RBFOX3: variants seen among roughly 807,000 people sequenced by gnomAD.
RBFOX3 encodes RNA binding protein fox-1 homolog 3.
A neutral mutation model predicts 48.7 loss-of-function variants in RBFOX3; 17 were observed. That is an observed-to-expected ratio of 0.35 (90% CI 0.24 to 0.52). The LOEUF (loss-of-function observed/expected upper bound fraction) is 0.52, where lower values mean the gene tolerates loss of function less well. RBFOX3 is among the 20% of genes least tolerant of loss of function. The probability of loss-of-function intolerance (pLI) is 0.94; values close to 1 mark genes in which losing one functional copy is unlikely to be tolerated. For synonymous variants in RBFOX3, 212 were observed against 209.5 expected (o/e 1.01, Z -0.10); for missense variants, 382 against 497.5 (o/e 0.77, Z 2.21).
Position 79,430,837 on chromosome 17 carries a change from A to G in RBFOX3, c.-175+51617T>C, listed in dbSNP as rs151022669. 2.1e-3 allele frequency among the ~76,000 whole-genome samples: 319 copies of G among 152,152 alleles called. 3 individuals carry two copies. The highest frequency in any genetic ancestry group is 7.4e-3 in the African/African-American group (309 of 41,506). On this transcript the variant is annotated intron_variant, in intron 2 of 14. Transcript: ENST00000693108. ...TGGGATTACAGGCGTGAGCCACCAC[A>G]CCCGCCCTGTGCTCAGCAAATATTG...
intron 4 of RBFOX3, among the ~76,000 whole-genome samples, chr17:79,166,265 G>A (rs928764392): frequency 6.6e-6 from 1 of 152,098 alleles, no homozygotes; most frequent in African/African-American, 2.4e-5. Flanking sequence ...CCCCAGCGCA[G>A]CCTCCCGTGG....
At position 79,204,911 on chromosome 17, in the gene RBFOX3, A is replaced by G. The variant is rs1272255516; in HGVS notation, c.-34+30855T>C. 2.6e-5 allele frequency among the ~76,000 whole-genome samples: 4 copies of G among 152,158 alleles called. No homozygotes were observed. Among genetic ancestry groups the G allele is most frequent in the Admixed American group, 6.5e-5 (1 of 15,282 alleles). ...TACAGAAGTCTGCAGCTAATAAGCC[A>G]TGGTGTTCCTGGGGATGAAATGGAT... On this transcript the variant is annotated intron_variant, in intron 4 of 14. Coordinates refer to ENST00000693108, the MANE Select transcript of RBFOX3 (RefSeq NM_001350451.2). The surrounding 1 kb of genome is among the most constrained non-coding windows in gnomAD (Gnocchi z 4.5).
rs1189115530 is a variant in RBFOX3 at position 79,390,009 on chromosome 17, CA to C, written c.-174-82186del. ...GCAGCCTCCAGGTCTCCGCAGCCTCCAGGTCTCCGCAGCCTCCAGGTCTCCG... is the reference window on the plus strand; with the variant it reads ...GCAGCCTCCAGGTCTCCGCAGCCTCCGGTCTCCGCAGCCTCCAGGTCTCCG... On this transcript the variant is annotated intron_variant, in intron 2 of 14. Coordinates refer to ENST00000693108, the MANE Select transcript of RBFOX3 (RefSeq NM_001350451.2). This position sits in a 1 kb window ranked among gnomAD's most constrained non-coding sequence, Gnocchi z 4.2. 1.9e-3 allele frequency among the ~76,000 whole-genome samples: 187 copies of C among 96,886 alleles called. No homozygotes were observed. Among genetic ancestry groups the C allele is most frequent in the African/African-American group, 4.1e-3 (123 of 30,296 alleles). 63.6% of individuals were successfully genotyped at this position (96,886 alleles called of 152,430 possible).
At chr17:79,325,395 G>A (rs936827109) in intron 2 of RBFOX3, among the ~76,000 whole-genome samples, 2 of 152,146 alleles carry the variant, frequency 1.3e-5, no homozygotes, top group Admixed American at 6.5e-5. Flanking sequence ...TGGCATCAGA[G>A]GGACTAATTT....
At chr17:79,306,011 A>G (rs2076040179) in intron 3 of RBFOX3, among the ~76,000 whole-genome samples, 1 of 152,224 alleles carries the variant, frequency 6.6e-6, no homozygotes, top group Non-Finnish European at 1.5e-5. Context: ...GCTAGAGTCG[A>G]GTTTCATAAA....
At chr17:79,375,621 C>T (rs1211164976) in intron 2 of RBFOX3, among the ~76,000 whole-genome samples, 1 of 152,196 alleles carries the variant, frequency 6.6e-6, no homozygotes, top group East Asian at 1.9e-4. Flanking sequence ...GGGGGCTGAG[C>T]AGACTCGGGC....
Position 79,213,865 on chromosome 17 carries a change from A to G in RBFOX3, c.-34+21901T>C, listed in dbSNP as rs555801855. ...TCCAGCCGGCCACACTCCATGCACA[A>G]GCCCAGAGGGTCTCCTCAGCCATTC... On this transcript the variant is annotated intron_variant, in intron 4 of 14. Transcript: ENST00000693108. 1.6e-4 allele frequency among the ~76,000 whole-genome samples: 25 copies of G among 152,332 alleles called. No individual in the cohort carries two copies. In the South Asian group the frequency reaches 5.2e-3, roughly 32 times the overall value.
At chr17:79,374,500 G>A (rs2058976838) in intron 2 of RBFOX3, among the ~76,000 whole-genome samples, 1 of 152,238 alleles carries the variant, frequency 6.6e-6, no homozygotes, top group Non-Finnish European at 1.5e-5. Flanking sequence ...TGAAGACTTA[G>A]GGCAGCAAAT....
At chr17:79,434,512 A>G (rs764775763) in intron 2 of RBFOX3, among the ~76,000 whole-genome samples, 1 of 152,192 alleles carries the variant, frequency 6.6e-6, no homozygotes, top group Non-Finnish European at 1.5e-5. Flanking sequence ...CCATGAAGCG[A>G]GTTGGGATTC....
chr17:79,184,972 T>C (rs2053096425), intron 4 of RBFOX3, among the ~76,000 whole-genome samples: 1 of 152,116 alleles, frequency 6.6e-6, no homozygotes, highest in African/African-American at 2.4e-5. Context: ...CTGAGGGCCA[T>C]TGAGGAAGAG....
intron 3 of RBFOX3, among the ~76,000 whole-genome samples, chr17:79,293,816 C>G (rs1311051604): frequency 6.6e-6 from 1 of 152,148 alleles, no homozygotes; most frequent in Non-Finnish European, 1.5e-5. Context: ...GAAGGCTGCC[C>G]TGTAGCAGCG....
intron 4 of RBFOX3, among the ~76,000 whole-genome samples, chr17:79,165,185 G>A (rs1318319039): frequency 6.6e-6 from 1 of 152,148 alleles, no homozygotes; most frequent in Non-Finnish European, 1.5e-5. Flanking sequence ...AGCCCTCTGG[G>A]CTGGCTTCCA....
At chr17:79,097,529 T>A (rs1002609804) in intron 10 of RBFOX3, 105 bp from the exon 11 acceptor site, 1 of 617,164 alleles carries the variant, frequency 1.6e-6, no homozygotes, top group Non-Finnish European at 1.9e-6. Flanking sequence ...CCCCAACCCC[T>A]CCCCAAGCCC....
chr17:79,558,538 A>G (rs2091946840), intron 1 of RBFOX3, among the ~76,000 whole-genome samples: 2 of 152,080 alleles, frequency 1.3e-5, no homozygotes, highest in Non-Finnish European at 2.9e-5. Flanking sequence ...GAGGGAGGCA[A>G]GACCACAGTC....
At chr17:79,651,025 C>CA in the RBFOX3 span, among the ~76,000 whole-genome samples, 6 of 152,226 alleles carry the variant, frequency 3.9e-5, no homozygotes, top group Non-Finnish European at 7.3e-5. Context: ...GCCATCCAGG[C>CA]AGGGGATTCC....
chr17:79,170,109 G>GAGGAGGAAGGAAGGAAGGA (rs2048863088), intron 4 of RBFOX3, among the ~76,000 whole-genome samples: 1 of 148,716 alleles, frequency 6.7e-6, no homozygotes, highest in African/African-American at 2.5e-5. Context: ...AGCAGGAAAG[G>GAGGAGGAAGGAAGGAAGGA]AGGAGGAAGG....
At chr17:79,274,562 G>A (rs1447287329) in intron 3 of RBFOX3, among the ~76,000 whole-genome samples, 5 of 152,108 alleles carry the variant, frequency 3.3e-5, no homozygotes, top group Admixed American at 2.0e-4. Flanking sequence ...CCTGCCCTGG[G>A]CAGAGGCTGT....
intron 2 of RBFOX3, among the ~76,000 whole-genome samples, chr17:79,404,784 TG>T (rs1168786714): frequency 1.3e-5 from 2 of 152,222 alleles, no homozygotes; most frequent in East Asian, 3.8e-4. Context: ...GCCATTCACC[TG>T]TCCATCTCCA....
chr17:79,544,564 C>A (rs1555791276), intron 1 of RBFOX3, among the ~76,000 whole-genome samples: 1 of 151,902 alleles, frequency 6.6e-6, no homozygotes, highest in Admixed American at 6.6e-5. Flanking sequence ...GTCGGAGTAC[C>A]CCGACCCTCC....
Sources: gnomAD v4.1 joint callset for allele counts (sites outside exome capture counted in the v4.1 genomes callset) on GRCh38, gnomAD v4.1.1 for gene constraint, Gnocchi (gnomAD v3.1) non-coding constraint, MANE v1.5 for transcripts, NCBI Gene and HGNC (gene_info 2026-07-23, HGNC 2026-07-21) for gene names.